CLEC6A: variants seen among roughly 807,000 people sequenced by gnomAD.
CLEC6A encodes C-type lectin domain family 6 member A.
A neutral mutation model predicts 25.7 loss-of-function variants in CLEC6A; 22 were observed. The ratio of observed to expected loss-of-function variants is 0.85; its 90% CI spans 0.61 to 1.22. The LOEUF is 1.22. Ranked by LOEUF, CLEC6A falls within the 50% of genes most tolerant of loss-of-function variation. The pLI, the probability that CLEC6A is intolerant of heterozygous loss-of-function variation, is 0.00. For missense variants in CLEC6A, 240 were observed against 236.8 expected (o/e 1.01, Z -0.09); for synonymous variants, 92 against 76.7 (o/e 1.20, Z -1.04).
chr12:8,471,512 G>T (rs1011907730), intron 4 of CLEC6A, among the ~76,000 whole-genome samples: 2 of 152,022 alleles, frequency 1.3e-5, no homozygotes, highest in African/African-American at 2.4e-5. Context: ...AGTCTTGGCA[G>T]GTGGTATGTT....
In CLEC6A at chr12:8,477,341, C is replaced by T. The variant is rs757140928; in HGVS notation, c.507C>T (p.Pro169=). 3 of 1,610,450 alleles carry T rather than the reference C, an allele frequency of 1.9e-6. No individual in the cohort carries two copies. The East Asian group carries it at 6.7e-5, about 36-fold the overall frequency. Residue 169 remains proline (P), a synonymous_variant, in exon 6 of 6, where the codon CCC becomes CCT. Coordinates refer to ENST00000382073, the MANE Select transcript of CLEC6A (RefSeq NM_001007033.2). ...KNVRFWHLGE[P]NHSAEQCASI... ...TTAGATTTTGGCACCTAGGTGAGCC[C>T]AATCATTCTGCAGAGCAATGTGCTT...
chr12:8,465,945 T>G (rs2136361026), intron 4 of CLEC6A, among the ~76,000 whole-genome samples: 1 of 152,366 alleles, frequency 6.6e-6, no homozygotes, highest in Admixed American at 6.5e-5. Flanking sequence ...CTACTTCATT[T>G]AGTATAATAT....
intron 4 of CLEC6A, among the ~76,000 whole-genome samples, chr12:8,475,764 G>T (rs774597520): frequency 6.6e-6 from 1 of 151,960 alleles, no homozygotes; most frequent in African/African-American, 2.4e-5. Context: ...ACTCTCATCT[G>T]GTCACCCCTT....
At chr12:8,475,326 C>A (rs376079719) in intron 4 of CLEC6A, among the ~76,000 whole-genome samples, 18 of 98,714 alleles carry the variant, frequency 1.8e-4, no homozygotes, top group South Asian at 4.8e-4. Context: ...AAAACTCTCT[C>A]TATATATATA....
chr12:8,458,674 T>C (rs187802858), intron 2 of CLEC6A, among the ~76,000 whole-genome samples: 3 of 152,322 alleles, frequency 2.0e-5, no homozygotes, highest in Admixed American at 2.0e-4. Flanking sequence ...TCTCACAATA[T>C]TTAGTAAAAT....
chr12:8,458,223 A>G lies in CLEC6A; in HGVS notation c.121+236A>G, dbSNP rs147212298. On this transcript the variant is annotated intron_variant, in intron 2 of 5. Coordinates refer to ENST00000382073, the MANE Select transcript of CLEC6A (RefSeq NM_001007033.2). ...AGCATTTTCTGAATCATGGCCTCAC[A>G]TATCCATGTTGTCCATTGTAGCCAT... Among the ~76,000 whole-genome samples, 836 of 152,260 alleles carry G rather than the reference A, an allele frequency of 5.5e-3. 7 individuals carry two copies. The highest frequency in any genetic ancestry group is 0.019 in the African/African-American group (795 of 41,536).
At position 8,465,433 on chromosome 12, in the gene CLEC6A, C is replaced by A. The variant is rs1167288632; in HGVS notation, c.224-51C>A. On this transcript the variant is annotated intron_variant, in intron 3 of 5. Coordinates refer to ENST00000382073, the MANE Select transcript of CLEC6A (RefSeq NM_001007033.2). ...CAAAGCAATTGCAGATCATTAATCT[C>A]ATTTATCTTATCTTGCACTCACTCT... is the stretch of plus-strand genomic sequence containing the variant. 4 of 1,581,532 alleles carry A rather than the reference C, an allele frequency of 2.5e-6. No homozygotes were observed. In the East Asian group the frequency reaches 6.7e-5, roughly 27 times the overall value.
At chr12:8,461,400 A>C (rs1939751560) in intron 3 of CLEC6A, among the ~76,000 whole-genome samples, 1 of 152,212 alleles carries the variant, frequency 6.6e-6, no homozygotes, top group African/African-American at 2.4e-5. Context: ...TTTCCTGGAA[A>C]CAACAATGGG....
intron 3 of CLEC6A, among the ~76,000 whole-genome samples, chr12:8,461,820 T>G (rs954310827): frequency 1.3e-5 from 2 of 152,236 alleles, no homozygotes; most frequent in African/African-American, 4.8e-5. Flanking sequence ...TACGAAGAGC[T>G]AGAGTTCCTT....
intron 4 of CLEC6A, among the ~76,000 whole-genome samples, chr12:8,471,263 T>C (rs951915372): frequency 6.6e-6 from 1 of 152,122 alleles, no homozygotes; most frequent in Non-Finnish European, 1.5e-5. Context: ...ATAGTATCTT[T>C]TTCTAGTTTT....
In CLEC6A at chr12:8,477,555, T is replaced by G; in HGVS notation, c.*91T>G. 1 of 993,080 alleles carries G rather than the reference T, an allele frequency of 1.0e-6. No individual in the cohort carries two copies. The highest frequency in any genetic ancestry group is 1.5e-6 in the Non-Finnish European group (1 of 685,038). 61.5% of individuals were successfully genotyped at this position (993,080 alleles called of 1,614,324 possible). A position where few individuals can be genotyped will look rare whatever the true frequency, so the allele number is the denominator to read the frequency against. On this transcript the variant is annotated 3_prime_UTR_variant, in exon 6 of 6. Coordinates refer to ENST00000382073, the MANE Select transcript of CLEC6A (RefSeq NM_001007033.2). ...TTGAACCCTATCATGAAATGATAAT[T>G]TCTTCCTGAATTTACACATAATCCT...
intron 4 of CLEC6A, among the ~76,000 whole-genome samples, chr12:8,468,400 G>T: frequency 6.6e-6 from 1 of 152,028 alleles, no homozygotes; most frequent in Non-Finnish European, 1.5e-5. Flanking sequence ...GAATATTTAG[G>T]GTTTGTTACA....
intron 1 of CLEC6A, among the ~76,000 whole-genome samples, chr12:8,456,889 C>T (rs1939683287): frequency 6.6e-6 from 1 of 152,126 alleles, no homozygotes; most frequent in South Asian, 2.1e-4. Context: ...GTGGGTGGAT[C>T]ACTTGAGGTC....
intron 4 of CLEC6A, among the ~76,000 whole-genome samples, chr12:8,470,465 A>G (rs189028124): frequency 1.2e-3 from 189 of 152,278 alleles, no homozygotes; most frequent in African/African-American, 4.2e-3. Context: ...CATTATATGA[A>G]AAAGATACTT....
At chr12:8,462,171 C>T (rs1333414148) in intron 3 of CLEC6A, among the ~76,000 whole-genome samples, 8 of 151,592 alleles carry the variant, frequency 5.3e-5, no homozygotes, top group Non-Finnish European at 8.8e-5. Flanking sequence ...GCAGCATGCT[C>T]CTTAAGAGTC....
At chr12:8,465,412 G>A (rs1939816644) in intron 3 of CLEC6A, 72 bp from the exon 4 acceptor site, 2 of 1,428,312 alleles carry the variant, frequency 1.4e-6, no homozygotes, top group South Asian at 2.4e-5. Context: ...TCTCTACAAA[G>A]CAATTGCAGA....
chr12:8,470,146 A>C (rs972144099), intron 4 of CLEC6A, among the ~76,000 whole-genome samples: 1 of 152,186 alleles, frequency 6.6e-6, no homozygotes, highest in Non-Finnish European at 1.5e-5. Flanking sequence ...CAATTCTCTA[A>C]AGAAGATATA....
intron 3 of CLEC6A, chr12:8,461,170 T>C (rs778956970): frequency 4.6e-6 from 6 of 1,290,488 alleles, no homozygotes; most frequent in Non-Finnish European, 6.7e-6. Flanking sequence ...CCACACTATT[T>C]GTGGTTCTCA....
intron 2 of CLEC6A, 60 bp from the exon 3 acceptor site, chr12:8,459,537 G>A: frequency 9.4e-7 from 1 of 1,060,706 alleles, no homozygotes; most frequent in Non-Finnish European, 1.5e-6. Context: ...TACAGATATA[G>A]AGCCTAAGGC....
Sources: allele counts gnomAD v4.1 joint callset (sites outside exome capture counted in the v4.1 genomes callset), GRCh38; gene constraint gnomAD v4.1.1; transcripts MANE v1.5; gene names NCBI Gene and HGNC (gene_info 2026-07-23, HGNC 2026-07-21).